Variants in PTPRD observed in about 807,000 individuals in gnomAD.
PTPRD encodes receptor-type tyrosine-protein phosphatase delta.
PTPRD carries 34 observed loss-of-function variants against 214.5 expected under a neutral mutation model. The ratio of observed to expected loss-of-function variants is 0.16; its 90% CI spans 0.12 to 0.21. The LOEUF is 0.21. PTPRD is among the 10% of genes least tolerant of loss of function. The pLI is 1.00. For missense variants in PTPRD, 2,545 were observed against 2,398.7 expected, an observed-to-expected ratio of 1.06 and a Z score of -1.27; for synonymous variants, 1,128 against 845.7, an observed-to-expected ratio of 1.33 and a Z score of -5.79.
In PTPRD at chr9:10,323,973, G is replaced by A. The variant is rs1038817139; in HGVS notation, c.-545+16990C>T. Among the ~76,000 whole-genome samples, 24 of 152,104 alleles carry A rather than the reference G, an allele frequency of 1.6e-4. No homozygotes were observed. The East Asian group carries it at 4.5e-3, about 28-fold the overall frequency. On this transcript the variant is annotated intron_variant, in intron 3 of 45. Transcript: ENST00000381196. ...AATTAACTTGTGAGAATTTTTAAGA[G>A]AAATTAAAAATAAATTGGATAATTG...
intron 11 of PTPRD, among the ~76,000 whole-genome samples, chr9:8,801,116 C>G (rs889680891): frequency 7.9e-5 from 12 of 152,130 alleles, no homozygotes; most frequent in Non-Finnish European, 2.9e-5. Flanking sequence ...CCCAATTTCT[C>G]TCTTGCTGGA....
intron 3 of PTPRD, among the ~76,000 whole-genome samples, chr9:10,142,110 T>C (rs972346269): frequency 2.0e-5 from 3 of 152,010 alleles, no homozygotes; most frequent in Non-Finnish European, 4.4e-5. Flanking sequence ...TTACACCTTA[T>C]ACAAAAATCA....
At chr9:9,012,258 C>A (rs947739162) in intron 11 of PTPRD, among the ~76,000 whole-genome samples, 7 of 152,128 alleles carry the variant, frequency 4.6e-5, no homozygotes, top group African/African-American at 1.2e-4. Context: ...AGATGAGAAC[C>A]AAGCCCTGGC....
intron 11 of PTPRD, among the ~76,000 whole-genome samples, chr9:8,784,919 C>T (rs1566038162): frequency 6.6e-6 from 1 of 152,122 alleles, no homozygotes; most frequent in South Asian, 2.1e-4. Context: ...CAAACAGAAA[C>T]AACTTCCATG....
intron 7 of PTPRD, among the ~76,000 whole-genome samples, chr9:9,672,189 A>C (rs749159715): frequency 4.6e-5 from 7 of 152,208 alleles, no homozygotes; most frequent in Non-Finnish European, 1.0e-4. Context: ...GTATAATTCT[A>C]TATGATTCCA....
chr9:9,357,883 C>T (rs931606273), intron 9 of PTPRD, among the ~76,000 whole-genome samples: 3 of 151,102 alleles, frequency 2.0e-5, no homozygotes, highest in African/African-American at 7.3e-5. Flanking sequence ...AACATCTTTA[C>T]CTACCACAAC....
intron 8 of PTPRD, among the ~76,000 whole-genome samples, chr9:9,431,459 G>C (rs75599088): frequency 0.065 from 9,951 of 152,106 alleles, 353 homozygotes; most frequent in Middle Eastern, 0.17. Flanking sequence ...GTTGGTGGGA[G>C]TGTAAACTAG....
intron 11 of PTPRD, among the ~76,000 whole-genome samples, chr9:8,747,731 A>G (rs1340169090): frequency 2.0e-5 from 3 of 152,144 alleles, no homozygotes; most frequent in East Asian, 3.9e-4. Flanking sequence ...CAGCTAACCA[A>G]TGGAAATTAC....
intron 3 of PTPRD, among the ~76,000 whole-genome samples, chr9:10,172,345 A>G (rs1193746623): frequency 6.6e-6 from 1 of 152,206 alleles, no homozygotes; most frequent in Admixed American, 6.5e-5. Flanking sequence ...GAGATCCTGT[A>G]AGAATAATAT....
At chr9:9,085,453 T>C (rs1473772150) in intron 10 of PTPRD, among the ~76,000 whole-genome samples, 1 of 152,180 alleles carries the variant, frequency 6.6e-6, no homozygotes, top group African/African-American at 2.4e-5. Flanking sequence ...TGGACATTTC[T>C]TCCTATTTTT....
chr9:10,352,286 G>C (rs1354578462), intron 2 of PTPRD, among the ~76,000 whole-genome samples: 1 of 151,960 alleles, frequency 6.6e-6, no homozygotes, highest in Non-Finnish European at 1.5e-5. Flanking sequence ...AAACACTCCT[G>C]CTGATCTGGG....
intron 2 of PTPRD, among the ~76,000 whole-genome samples, chr9:10,448,497 T>C (rs1200520984): frequency 6.6e-6 from 1 of 151,970 alleles, no homozygotes; most frequent in Non-Finnish European, 1.5e-5. Context: ...GTGGTTCATC[T>C]AAAACATAGA....
chr9:9,676,624 T>A (rs987956901), intron 7 of PTPRD, among the ~76,000 whole-genome samples: 1 of 152,152 alleles, frequency 6.6e-6, no homozygotes, highest in Non-Finnish European at 1.5e-5. Flanking sequence ...TGATTTATAA[T>A]CCTTTGGGTA....
chr9:8,921,986 CAGAT>C lies in PTPRD; in HGVS notation c.-104+96707_-104+96710del, dbSNP rs555279220. On this transcript the variant is annotated intron_variant, in intron 11 of 45. Transcript: ENST00000381196. ...AGGGAAAGTTGGCAAGGAACAAAGA[CAGAT>C]AGAATCCCAGTCTCTCTTCACAAAG... is the stretch of plus-strand genomic sequence containing the variant. 8.7e-4 allele frequency among the ~76,000 whole-genome samples: 133 copies of C among 152,206 alleles called. 2 individuals carry two copies. The highest frequency in any genetic ancestry group is 3.4e-3 in the Middle Eastern group (1 of 294).
chr9:8,768,689 T>C (rs1202799034), intron 11 of PTPRD, among the ~76,000 whole-genome samples: 1 of 152,174 alleles, frequency 6.6e-6, no homozygotes, highest in African/African-American at 2.4e-5. Context: ...TACTGTTTTA[T>C]TTTTCCCATA....
intron 7 of PTPRD, among the ~76,000 whole-genome samples, chr9:9,640,607 A>C (rs1427528089): frequency 6.6e-6 from 1 of 152,198 alleles, no homozygotes; most frequent in East Asian, 1.9e-4. Flanking sequence ...GTAAGCCTGT[A>C]AGTATGAAGA....
At chr9:8,592,848 C>G (rs145742406) in intron 14 of PTPRD, among the ~76,000 whole-genome samples, 210 of 152,306 alleles carry the variant, frequency 1.4e-3, no homozygotes, top group African/African-American at 4.9e-3. Context: ...ACTAACTTTA[C>G]TGAACGAAGT....
chr9:8,803,231 G>T (rs561726522), intron 11 of PTPRD, among the ~76,000 whole-genome samples: 3 of 151,986 alleles, frequency 2.0e-5, no homozygotes, highest in Admixed American at 1.3e-4. Flanking sequence ...GAAAGTGTTT[G>T]TGAAAAAAAG....
At chr9:8,448,392 T>C (rs2095818164) in intron 34 of PTPRD, among the ~76,000 whole-genome samples, 1 of 152,110 alleles carries the variant, frequency 6.6e-6, no homozygotes, top group African/African-American at 2.4e-5. Flanking sequence ...CTGAAGTAGT[T>C]AGTATCCACC....
Sources: gnomAD v4.1 joint callset for allele counts (sites outside exome capture counted in the v4.1 genomes callset) on GRCh38, gnomAD v4.1.1 for gene constraint, MANE v1.5 for transcripts, NCBI Gene and HGNC (gene_info 2026-07-23, HGNC 2026-07-21) for gene names.